Variants in AGMO observed in about 807,000 individuals in gnomAD.
The protein encoded by AGMO is glyceryl-ether monooxygenase.
AGMO carries 75 observed loss-of-function variants against 60.2 expected under a neutral mutation model. The observed-to-expected ratio is 1.25, with a 90% CI of 1.03 to 1.51. AGMO has a LOEUF of 1.51. Among genes scored for constraint, AGMO ranks in the 40% most tolerant of loss-of-function variants. The pLI, the probability that AGMO is intolerant of heterozygous loss-of-function variation, is 0.00. For missense variants in AGMO, 763 were observed against 525.5 expected (o/e 1.45, Z -4.42); for synonymous variants, 261 against 177.1 (o/e 1.47, Z -3.76).
intron 12 of AGMO, among the ~76,000 whole-genome samples, chr7:15,357,680 A>G (rs1253034734): frequency 6.6e-6 from 1 of 152,218 alleles, no homozygotes; most frequent in Admixed American, 6.5e-5. Flanking sequence ...GGCCTGGCCC[A>G]CTAGAGGGTG....
chr7:15,385,904 G>C (rs888684748), intron 9 of AGMO, among the ~76,000 whole-genome samples: 2 of 152,174 alleles, frequency 1.3e-5, no homozygotes, highest in East Asian at 3.9e-4. Flanking sequence ...GAAGGTGCCA[G>C]ATGTGGTGAC....
At chr7:15,412,719 C>T (rs1780649870) in intron 5 of AGMO, among the ~76,000 whole-genome samples, 1 of 148,370 alleles carries the variant, frequency 6.7e-6, no homozygotes, top group South Asian at 2.1e-4. Flanking sequence ...ACAAGGCTTG[C>T]CCTAAAATTG....
intron 12 of AGMO, among the ~76,000 whole-genome samples, chr7:15,237,337 G>C (rs1271346393): frequency 6.6e-6 from 1 of 152,134 alleles, no homozygotes; most frequent in Non-Finnish European, 1.5e-5. Flanking sequence ...TAGCACAAAG[G>C]AAGGTAAGAA....
chr7:15,220,142 T>C (rs1163530356), intron 12 of AGMO, among the ~76,000 whole-genome samples: 2 of 152,090 alleles, frequency 1.3e-5, no homozygotes, highest in Non-Finnish European at 2.9e-5. Context: ...CCTTATTTCT[T>C]TTATTGCATT....
In AGMO at chr7:15,326,469, T is replaced by C. The variant is rs1289362152; in HGVS notation, c.1263+39045A>G. 7.9e-5 allele frequency among the ~76,000 whole-genome samples: 12 copies of C among 152,308 alleles called. No homozygotes were observed. The East Asian group carries it at 2.1e-3, about 27-fold the overall frequency. ...ACATAAAATACACAGACCTCTTAACTTTTGTGCCTGCCTCTTCGCATTCTA... is the reference window on the plus strand; with the variant it reads ...ACATAAAATACACAGACCTCTTAACCTTTGTGCCTGCCTCTTCGCATTCTA... On this transcript the variant is annotated intron_variant, in intron 12 of 12. Transcript: ENST00000342526.
At chr7:15,503,040 C>T (rs1428692357) in intron 3 of AGMO, among the ~76,000 whole-genome samples, 1 of 152,022 alleles carries the variant, frequency 6.6e-6, no homozygotes, top group Non-Finnish European at 1.5e-5. Flanking sequence ...GGAACTGAGA[C>T]ATTGATTCAG....
rs527463907 is a variant in AGMO at position 15,270,596 on chromosome 7, A to ATTTTTTTTTTTTTTTTTTTTT, written c.1264-69258_1264-69238dup. ...ATTAAACAAATTTAATCTGTTGATA[A>ATTTTTTTTTTTTTTTTTTTTT]TTTTTTTTTTTTTTTTTTTTTTTTT... On this transcript the variant is annotated intron_variant, in intron 12 of 12. Coordinates refer to ENST00000342526, the MANE Select transcript of AGMO (RefSeq NM_001004320.2). Among the ~76,000 whole-genome samples the ATTTTTTTTTTTTTTTTTTTTT allele has an allele frequency of 1.1e-3, 53 of 48,066 alleles. 2 individuals are homozygous for ATTTTTTTTTTTTTTTTTTTTT. The highest frequency in any genetic ancestry group is 1.6e-3 in the Non-Finnish European group (41 of 25,772). The allele number at this position is 48,066 out of a possible 152,430, so 31.5% of individuals were successfully genotyped here.
At chr7:15,289,943 CTTTTTTTTTTTTTT>C (rs36074413) in intron 12 of AGMO, among the ~76,000 whole-genome samples, 1 of 31,352 alleles carries the variant, frequency 3.2e-5, no homozygotes, top group East Asian at 1.4e-3. Context: ...TTCCAGAAAT[CTTTTTTTTTTTTTT>C]TTTTTTTTTT....
At chr7:15,278,031 C>T (rs1465492049) in intron 12 of AGMO, among the ~76,000 whole-genome samples, 3 of 152,062 alleles carry the variant, frequency 2.0e-5, no homozygotes, top group Non-Finnish European at 4.4e-5. Flanking sequence ...CCTATCATAC[C>T]CCTGGTCCCA....
At chr7:15,225,945 A>T (rs1782068828) in intron 12 of AGMO, among the ~76,000 whole-genome samples, 1 of 151,950 alleles carries the variant, frequency 6.6e-6, no homozygotes, top group African/African-American at 2.4e-5. Context: ...TATCTGACAC[A>T]CAGTACATTT....
intron 5 of AGMO, among the ~76,000 whole-genome samples, chr7:15,410,023 T>A (rs566427153): frequency 2.4e-4 from 37 of 151,270 alleles, no homozygotes; most frequent in Middle Eastern, 6.8e-3. Context: ...TAAATAGAAA[T>A]GATACTCATT....
At chr7:15,173,415 T>C in the AGMO span, among the ~76,000 whole-genome samples, 3 of 152,190 alleles carry the variant, frequency 2.0e-5, no homozygotes, top group African/African-American at 7.2e-5. Flanking sequence ...GCATTTTATA[T>C]AGTATTGATT....
chr7:15,539,494 G>C (rs1440233980), intron 3 of AGMO, among the ~76,000 whole-genome samples: 1 of 152,022 alleles, frequency 6.6e-6, no homozygotes, highest in Non-Finnish European at 1.5e-5. Flanking sequence ...TGACTGCATA[G>C]TATTCCATAG....
At chr7:15,396,417 T>C (rs951790971) in intron 5 of AGMO, 1 of 152,264 alleles carries the variant, frequency 6.6e-6, no homozygotes, top group African/African-American at 2.4e-5. Context: ...CTTGGTTCAG[T>C]AACCTTGCTG....
At chr7:15,139,384 C>T in the AGMO span, among the ~76,000 whole-genome samples, 1 of 152,028 alleles carries the variant, frequency 6.6e-6, no homozygotes, top group Non-Finnish European at 1.5e-5. Flanking sequence ...ATCTTAGGTT[C>T]CAGGGGACAT....
At chr7:15,244,238 A>G (rs1283278226) in intron 12 of AGMO, among the ~76,000 whole-genome samples, 1 of 152,204 alleles carries the variant, frequency 6.6e-6, no homozygotes, top group African/African-American at 2.4e-5. Flanking sequence ...CAATGTGTCT[A>G]CCTTTGTCCA....
At chr7:15,505,578 T>C (rs1042425253) in intron 3 of AGMO, among the ~76,000 whole-genome samples, 1 of 152,018 alleles carries the variant, frequency 6.6e-6, no homozygotes, top group Non-Finnish European at 1.5e-5. Context: ...AAAATAAGCA[T>C]TGGCCTCTAC....
intron 12 of AGMO, among the ~76,000 whole-genome samples, chr7:15,299,489 G>A (rs566759189): frequency 1.2e-4 from 18 of 152,080 alleles, no homozygotes; most frequent in Admixed American, 5.9e-4. Context: ...TTTCTCATGC[G>A]AGCATTCACT....
At chr7:15,557,872 T>C (rs912220703) in intron 2 of AGMO, among the ~76,000 whole-genome samples, 2 of 152,040 alleles carry the variant, frequency 1.3e-5, no homozygotes, top group African/African-American at 2.4e-5. Flanking sequence ...CTTTTACCTT[T>C]CTCTCAAAGG....
Sources: gnomAD v4.1 joint callset for allele counts (sites outside exome capture counted in the v4.1 genomes callset) on GRCh38, gnomAD v4.1.1 for gene constraint, MANE v1.5 for transcripts, NCBI Gene and HGNC (gene_info 2026-07-23, HGNC 2026-07-21) for gene names.